The following PWWP3A variants were observed in gnomAD, a reference collection of about 807,000 sequenced individuals.
The protein encoded by PWWP3A is PWWP domain containing 3A, DNA repair factor, also known as PWWP domain-containing DNA repair factor 3A.
A neutral mutation model predicts 79.0 loss-of-function variants in PWWP3A; 53 were observed. The ratio of observed to expected loss-of-function variants is 0.67; its 90% CI spans 0.54 to 0.84. PWWP3A has a LOEUF of 0.84. Among genes scored for constraint, PWWP3A ranks in the 40% least tolerant of loss-of-function variants. The probability of loss-of-function intolerance (pLI) is 0.00; values close to 1 mark genes in which losing one functional copy is unlikely to be tolerated. For synonymous variants in PWWP3A, 443 were observed against 394.4 expected, an observed-to-expected ratio of 1.12 and a Z score of -1.46; for missense variants, 973 against 948.0, an observed-to-expected ratio of 1.03 and a Z score of -0.35.
chr19:1,375,891 C>CAACCCCT (rs2082380485), intron 13 of PWWP3A, among the ~76,000 whole-genome samples: 1 of 130,982 alleles, frequency 7.6e-6, no homozygotes, highest in African/African-American at 3.0e-5. Context: ...CTGCAACCCC[C>CAACCCCT]CCACCGTGCC....
intron 4 of PWWP3A, chr19:1,359,932 C>T (rs529764162): frequency 1.0e-5 from 5 of 498,438 alleles, no homozygotes; most frequent in East Asian, 6.8e-5. Flanking sequence ...AATGAAGCCT[C>T]GAATCCCGGA....
intron 11 of PWWP3A, among the ~76,000 whole-genome samples, chr19:1,370,159 G>A (rs2668422): frequency 0.018 from 2,710 of 152,284 alleles, 82 homozygotes; most frequent in African/African-American, 0.062. Context: ...GCTTGAGCCC[G>A]AGAGTTCAAG....
In PWWP3A at chr19:1,362,291, C is replaced by A. The variant is rs750747499; in HGVS notation, c.1153C>A (p.Arg385Ser). 17 of 1,613,936 alleles carry A rather than the reference C, an allele frequency of 1.1e-5. No homozygotes were observed. Among genetic ancestry groups the A allele is most frequent in the Middle Eastern group, 1.6e-4 (1 of 6,082 alleles). The change falls in exon 6 of 14, where the codon CGT (arginine) becomes AGT (serine). Residue 385 changes from arginine to serine, a missense_variant. Transcript: ENST00000591337. ...AGAGTCCATGGGGTCTAATTCCATG[C>A]GTTCTATCCTGGAGGAAGACGAGGA... ...SEESMGSNSMRSILEEDEEDE... is the reference protein window; with the variant it reads ...SEESMGSNSMSSILEEDEEDE...
Position 1,373,082 on chromosome 19 carries a change from G to T in PWWP3A, c.1997G>T (p.Cys666Phe). 1 of 1,614,212 alleles carries T rather than the reference G, an allele frequency of 6.2e-7. No individual in the cohort carries two copies. The highest frequency in any genetic ancestry group is 1.1e-5 in the South Asian group (1 of 91,070). The change falls in exon 13 of 14, where the codon TGT becomes TTT. Residue 666 changes from cysteine (C) to phenylalanine (F), a missense_variant. Transcript: ENST00000591337. ...LDVLLPEAIICAISAVDEVDY... is the reference protein window; with the variant it reads ...LDVLLPEAIIFAISAVDEVDY... ...CGTGCCCTCTCACAGGCCATCATCT[G>T]TGCGATCTCTGCGGTGGACGAGGTG...
Position 1,377,217 on chromosome 19 carries a change from GT to G in PWWP3A, c.*642del, listed in dbSNP as rs1259366555. 3 of 152,464 alleles carry G rather than the reference GT, an allele frequency of 2.0e-5. No individual in the cohort carries two copies. Among genetic ancestry groups the G allele is most frequent in the Non-Finnish European group, 4.4e-5 (3 of 68,294 alleles). 9.4% of individuals were successfully genotyped at this position (152,464 alleles called of 1,614,324 possible). The stretch of plus-strand genomic sequence containing the variant: ...GGGGCCTCTGTGTCCCGCACTGTGT[GT>G]GAGTGGACCGCAGCGCGCAGCCACA... On this transcript the variant is annotated 3_prime_UTR_variant, in exon 14 of 14. Coordinates refer to ENST00000591337, the MANE Select transcript of PWWP3A (RefSeq NM_001369789.1).
rs1455581955 is a variant in PWWP3A, at chr19:1,360,705, G to A, written c.784G>A (p.Asp262Asn). Residue 262 changes from aspartate (D) to asparagine (N), a missense_variant, in exon 5 of 14, where the codon GAC becomes AAC. Physicochemically the swap from Asp to Asn is conservative, Grantham distance 23 (BLOSUM62 1). Transcript: ENST00000591337. This position sits in a 1 kb window ranked among gnomAD's most constrained non-coding sequence, Gnocchi z 4.4. ...APSLPSGVRE[D>N]DPCANAEGHD... Reference sequence around the variant, plus strand: ...GTCCTTGCCCTCCGGGGTCAGGGAGGACGATCCCTGTGCCAACGCTGAGGG... The same window carrying A: ...GTCCTTGCCCTCCGGGGTCAGGGAGAACGATCCCTGTGCCAACGCTGAGGG... The A allele has an allele frequency of 6.2e-7, 1 of 1,613,524 alleles. No homozygotes were observed. The highest frequency in any genetic ancestry group is 8.5e-7 in the Non-Finnish European group (1 of 1,179,924).
At position 1,356,389 on chromosome 19, in the gene PWWP3A, A is replaced by T; in HGVS notation, c.-4A>T. ...CATTGCCACTTGCCACATGAGTGTA[A>T]ATGATGGCGGATGCCAAGTATGTCC... On this transcript the variant is annotated 5_prime_UTR_variant, in exon 2 of 14. Transcript: ENST00000591337. The T allele has an allele frequency of 6.2e-7, 1 of 1,614,184 alleles. No homozygotes were observed. The highest frequency in any genetic ancestry group is 8.5e-7 in the Non-Finnish European group (1 of 1,180,002).
intron 2 of PWWP3A, 134 bp from the exon 3 acceptor site, chr19:1,356,875 G>T (rs893224552): frequency 1.3e-5 from 9 of 685,876 alleles, no homozygotes; most frequent in Non-Finnish European, 2.0e-5. Flanking sequence ...GAAACAATGG[G>T]GATTGGACCA....
intron 1 of PWWP3A, 104 bp from the exon 2 acceptor site, chr19:1,356,220 T>C (rs2081860717): frequency 5.0e-6 from 3 of 594,202 alleles, no homozygotes; most frequent in East Asian, 6.5e-5. Context: ...AATTAAACCA[T>C]CTACTTGAGG....
At chr19:1,375,221 CA>C (rs397793345) in intron 13 of PWWP3A, among the ~76,000 whole-genome samples, 206 of 130,646 alleles carry the variant, frequency 1.6e-3, no homozygotes, top group East Asian at 0.012. Flanking sequence ...GACTCCGTTT[CA>C]AAAAAAAAAA....
intron 13 of PWWP3A, among the ~76,000 whole-genome samples, chr19:1,375,574 A>AAAATATATAATTTTATATAT (rs1240379379): frequency 7.2e-6 from 1 of 139,478 alleles, no homozygotes; most frequent in African/African-American, 2.7e-5. Flanking sequence ...AAAATATATT[A>AAAATATATAATTTTATATAT]TATATAAAAT....
Position 1,369,527 on chromosome 19 carries a change from C to T in PWWP3A, c.1499-69C>T. On this transcript the variant is annotated intron_variant, in intron 10 of 13. Transcript: ENST00000591337. This position sits in a 1 kb window ranked among gnomAD's most constrained non-coding sequence, Gnocchi z 4.0. Reference sequence around the variant, plus strand: ...TTCCTAAACAGAGACGCCGGGCCAGCCCCTGGAACACACTTCCTGGGACTC... The same window carrying T: ...TTCCTAAACAGAGACGCCGGGCCAGTCCCTGGAACACACTTCCTGGGACTC... 1 of 1,572,084 alleles carries T rather than the reference C, an allele frequency of 6.4e-7. No homozygotes were observed.
chr19:1,375,865 GCA>G (rs1185148756), intron 13 of PWWP3A, among the ~76,000 whole-genome samples: 1 of 138,852 alleles, frequency 7.2e-6, no homozygotes, highest in East Asian at 2.0e-4. Flanking sequence ...GAGTGCAGTG[GCA>G]CAGTCTCGGC....
chr19:1,369,552 C>T lies in PWWP3A; in HGVS notation c.1499-44C>T. 1.2e-6 allele frequency: 2 copies of T among 1,610,232 alleles called. No individual in the cohort carries two copies. Among genetic ancestry groups the T allele is most frequent in the Non-Finnish European group, 8.5e-7 (1 of 1,176,520 alleles). On this transcript the variant is annotated intron_variant, in intron 10 of 13. Transcript: ENST00000591337. This position sits in a 1 kb window ranked among gnomAD's most constrained non-coding sequence, Gnocchi z 4.0. ...CCCCTGGAACACACTTCCTGGGACT[C>T]CTCTTAGGTCTACACAGTGCTCTCT...
At chr19:1,370,178 G>A (rs1362393055) in intron 11 of PWWP3A, among the ~76,000 whole-genome samples, 1 of 152,204 alleles carries the variant, frequency 6.6e-6, no homozygotes, top group East Asian at 1.9e-4. Context: ...AGGCTGTGGT[G>A]ACCTATGTGA....
At position 1,360,341 on chromosome 19, in the gene PWWP3A, C is replaced by A. The variant is rs758075186; in HGVS notation, c.420C>A (p.Arg140=). The A allele has an allele frequency of 6.2e-7, 1 of 1,614,072 alleles. No individual in the cohort carries two copies. Among genetic ancestry groups the A allele is most frequent in the East Asian group, 2.2e-5 (1 of 44,884 alleles). The part of the protein sequence containing the change: ...PCDSNSSSLP[R]GDVLGSSRPH... ...ATTCGAACTCCTCATCTCTTCCCCG[C>A]GGAGACGTGTTGGGCAGTTCCAGAC... The change falls in exon 5 of 14, where the codon CGC becomes CGA. Residue 140 remains arginine (R), a synonymous_variant. Coordinates refer to ENST00000591337, the MANE Select transcript of PWWP3A (RefSeq NM_001369789.1). This position sits in a 1 kb window ranked among gnomAD's most constrained non-coding sequence, Gnocchi z 4.4.
chr19:1,367,339 G>A, intron 9 of PWWP3A, 119 bp downstream of exon 9: 1 of 846,708 alleles, frequency 1.2e-6, no homozygotes, highest in Non-Finnish European at 1.9e-6. Flanking sequence ...ATGATTGTGG[G>A]AAGTAGCAGA....
rs773740096 is a variant in PWWP3A at position 1,364,535 on chromosome 19, C to G, written c.1240C>G (p.Leu414Val). Residue 414 changes from leucine (L) to valine (V), a missense_variant, in exon 7 of 14, where the codon CTA becomes GTA. Leu to Val is a conservative substitution (Grantham distance 32). Coordinates refer to ENST00000591337, the MANE Select transcript of PWWP3A (RefSeq NM_001369789.1). Reference sequence around the variant, plus strand: ...ACCACGTTCGTTTGAAGTAGGAATGCTAGTCTGGCATAAACATAAAAAATA... The same window carrying G: ...ACCACGTTCGTTTGAAGTAGGAATGGTAGTCTGGCATAAACATAAAAAATA... ...HEPRSFEVGMLVWHKHKKYPF... is the reference protein window; with the variant it reads ...HEPRSFEVGMVVWHKHKKYPF... 1 of 1,606,630 alleles carries G rather than the reference C, an allele frequency of 6.2e-7. No individual in the cohort carries two copies. The highest frequency in any genetic ancestry group is 1.7e-5 in the Admixed American group (1 of 58,616).
intron 13 of PWWP3A, among the ~76,000 whole-genome samples, 172 bp from the exon 14 acceptor site, chr19:1,376,347 G>GGTTTCA (rs981592719): frequency 1.6e-5 from 2 of 125,298 alleles, no homozygotes; most frequent in African/African-American, 6.0e-5. Flanking sequence ...GTAGAGACAG[G>GGTTTCA]GTTTCACCGT....
Sources: gnomAD v4.1 joint callset for allele counts (sites outside exome capture counted in the v4.1 genomes callset) on GRCh38, gnomAD v4.1.1 for gene constraint, Gnocchi (gnomAD v3.1) non-coding constraint, MANE v1.5 for transcripts, NCBI Gene and HGNC (gene_info 2026-07-23, HGNC 2026-07-21) for gene names.